Variants in MAPKBP1 observed in about 807,000 individuals in gnomAD.
The protein encoded by MAPKBP1 is mitogen-activated protein kinase-binding protein 1.
In MAPKBP1, 71 loss-of-function variants were observed where a neutral mutation model predicts 170.5. The observed-to-expected ratio is 0.42, with a 90% confidence interval of 0.34 to 0.51. The LOEUF (loss-of-function observed/expected upper bound fraction) is 0.51. Ranked by LOEUF, MAPKBP1 falls within the 20% of genes least tolerant of loss-of-function variation. MAPKBP1 has a pLI of 0.06. For missense variants in MAPKBP1, 1,598 were observed against 1,933.0 expected (o/e 0.83, Z 3.25); for synonymous variants, 719 against 757.9 (o/e 0.95, Z 0.84).
At chr15:41,785,276 C>T (rs2152068959) in intron 2 of MAPKBP1, among the ~76,000 whole-genome samples, 1 of 152,132 alleles carries the variant, frequency 6.6e-6, no homozygotes, top group East Asian at 1.9e-4. Context: ...TTATTGTGAA[C>T]TATCTTCAGT....
At position 41,821,688 on chromosome 15, in the gene MAPKBP1, T is replaced by G. The variant is rs778668282; in HGVS notation, c.2823T>G (p.Pro941=). The G allele has an allele frequency of 6.2e-7, 1 of 1,614,078 alleles. No homozygotes were observed. Among genetic ancestry groups the G allele is most frequent in the Non-Finnish European group, 8.5e-7 (1 of 1,180,028 alleles). The change falls in exon 24 of 31, where the codon CCT becomes CCG. Residue 941 remains proline, a synonymous_variant. Transcript: ENST00000457542. ...EEGVFAQDLE[P]APIEDGIVYP... is the part of the protein sequence containing the mutation. ...GGGTCTTTGCCCAAGATCTGGAACC[T>G]GCACCCATTGAAGATGGTATTGTCT...
chr15:41,807,229 A>T (rs2064713836), intron 3 of MAPKBP1, among the ~76,000 whole-genome samples: 1 of 152,162 alleles, frequency 6.6e-6, no homozygotes, highest in Non-Finnish European at 1.5e-5. Flanking sequence ...CTACACACAC[A>T]CACATGCATC....
chr15:41,796,184 G>A (rs987216465), intron 2 of MAPKBP1, among the ~76,000 whole-genome samples: 1 of 152,198 alleles, frequency 6.6e-6, no homozygotes, highest in African/African-American at 2.4e-5. Context: ...CACCGAATGT[G>A]GGAAAAGTTG....
chr15:41,819,661 A>C lies in MAPKBP1; in HGVS notation c.2481+11A>C. On this transcript the variant is annotated intron_variant, in intron 22 of 30. Coordinates refer to ENST00000457542, the MANE Select transcript of MAPKBP1 (RefSeq NM_014994.3). ...TGGGAGATGAGTCGGGTGAGTCGCC[A>C]TTGTTAAAATGTTCTTCCAAGGTTA... The C allele has an allele frequency of 3.7e-6, 6 of 1,606,632 alleles. No homozygotes were observed. The highest frequency in any genetic ancestry group is 5.1e-6 in the Non-Finnish European group (6 of 1,175,886).
At chr15:41,775,517 C>A in intron 2 of MAPKBP1, 128 bp downstream of exon 2, 1 of 697,458 alleles carries the variant, frequency 1.4e-6, no homozygotes, top group Non-Finnish European at 2.5e-6. Context: ...CACATATGAT[C>A]TCTGCAGGCA....
rs1426561005 is a variant in MAPKBP1, at chr15:41,823,943, G to C, written c.4095G>C (p.Gln1365His). ...CTGGGCCCAGCAGCCCCTGTGCCCAGCAACTGCCAGTCAGCAGCCTCTTCC... is the reference window on the plus strand; with the variant it reads ...CTGGGCCCAGCAGCCCCTGTGCCCACCAACTGCCAGTCAGCAGCCTCTTCC... ...AHPGPSSPCAQQLPVSSLFQG... is the reference protein window; with the variant it reads ...AHPGPSSPCAHQLPVSSLFQG... The change falls in exon 29 of 31, where the codon CAG (glutamine) becomes CAC (histidine). Residue 1365 changes from glutamine (Q) to histidine (H), a missense_variant. Gln to His is a conservative substitution (Grantham distance 24, BLOSUM62 0). This residue lies in a region of MAPKBP1 where 942 missense variants were observed against 953.2 expected (regional missense o/e 0.99). Transcript: ENST00000457542. 1 of 1,614,102 alleles carries C rather than the reference G, an allele frequency of 6.2e-7. No individual in the cohort carries two copies. Among genetic ancestry groups the C allele is most frequent in the Admixed American group, 1.7e-5 (1 of 60,024 alleles).
chr15:41,790,038 G>A (rs1353518301), intron 2 of MAPKBP1, among the ~76,000 whole-genome samples: 2 of 152,212 alleles, frequency 1.3e-5, no homozygotes, highest in South Asian at 2.1e-4. Flanking sequence ...TGTGTAAAAT[G>A]GAGATAATAC....
Position 41,823,068 on chromosome 15 carries a change from C to T in MAPKBP1, c.3444C>T (p.Ser1148=). The T allele has an allele frequency of 1.2e-6, 2 of 1,613,776 alleles. No homozygotes were observed. Among genetic ancestry groups the T allele is most frequent in the Middle Eastern group, 1.7e-4 (1 of 6,060 alleles). The change falls in exon 28 of 31, where the codon TCC becomes TCT. Residue 1148 remains serine, a synonymous_variant. Coordinates refer to ENST00000457542, the MANE Select transcript of MAPKBP1 (RefSeq NM_014994.3). ...GAGCACCCCCGGAGGTGGAACCGTC[C>T]TCTGGCAACCCCAGCCCCCAGCAGG... ...PPGAPPEVEP[S]SGNPSPQQAA...
At chr15:41,815,984 A>C (rs1198207602) in intron 12 of MAPKBP1, among the ~76,000 whole-genome samples, 185 bp downstream of exon 12, 2 of 152,286 alleles carry the variant, frequency 1.3e-5, no homozygotes, top group East Asian at 1.9e-4. Context: ...CAAGGTTAAC[A>C]TCCTCATATC....
intron 2 of MAPKBP1, among the ~76,000 whole-genome samples, chr15:41,798,420 T>C (rs2064533878): frequency 6.6e-6 from 1 of 151,504 alleles, no homozygotes. Context: ...TTAGCTGGGA[T>C]TACAGGCACC....
At position 41,825,281 on chromosome 15, in the gene MAPKBP1, G is replaced by T. The variant is rs1286536852; in HGVS notation, c.4372G>T (p.Val1458Leu). The change falls in exon 31 of 31, where the codon GTG (valine) becomes TTG (leucine). Residue 1458 changes from valine (V) to leucine (L), a missense_variant. Val to Leu is a conservative substitution (Grantham distance 32). Around this residue, in one of 6 missense-constraint regions of MAPKBP1, gnomAD observed 942 missense variants for 953.2 expected, o/e 0.99. Coordinates refer to ENST00000457542, the MANE Select transcript of MAPKBP1 (RefSeq NM_014994.3). ...AQLLRDTFSS[V>L]RQELEAVAGA... The stretch of plus-strand genomic sequence containing the variant: ...GCTCCTCAGAGACACCTTCTCTTCA[G>T]TGCGACAGGAGCTGGAAGCTGTGGC... 6.2e-7 allele frequency: 1 copy of T among 1,612,148 alleles called. No individual in the cohort carries two copies. The highest frequency in any genetic ancestry group is 8.5e-7 in the Non-Finnish European group (1 of 1,178,828).
chr15:41,815,713 G>A lies in MAPKBP1; in HGVS notation c.1407G>A (p.Leu469=). 1 of 1,614,220 alleles carries A rather than the reference G, an allele frequency of 6.2e-7. No homozygotes were observed. Among genetic ancestry groups the A allele is most frequent in the South Asian group, 1.1e-5 (1 of 91,080 alleles). Residue 469 remains leucine, a synonymous_variant, in exon 12 of 31, where the codon CTG becomes CTA. Transcript: ENST00000457542. ...GAGGAGACAAAGCTGATGCATCCCT[G>A]TTGGATCCCCGCGTGGGCATCCGCT... The part of the protein sequence containing the change: ...LPGGDKADAS[L]LDPRVGIRSV...
At chr15:41,805,019 C>T (rs190550599) in intron 3 of MAPKBP1, among the ~76,000 whole-genome samples, 29 of 152,306 alleles carry the variant, frequency 1.9e-4, no homozygotes, top group African/African-American at 7.0e-4. Flanking sequence ...CCAGCCCCCA[C>T]GCTCTTGTTC....
intron 3 of MAPKBP1, among the ~76,000 whole-genome samples, chr15:41,802,694 G>C (rs1210636626): frequency 1.3e-5 from 2 of 152,164 alleles, no homozygotes; most frequent in Non-Finnish European, 2.9e-5. Context: ...GGCTGGTCTT[G>C]AACTAATGAC....
chr15:41,818,550 T>C lies in MAPKBP1; in HGVS notation c.2124T>C (p.Asp708=), dbSNP rs1643483212. The C allele has an allele frequency of 3.1e-6, 5 of 1,613,578 alleles. No homozygotes were observed. Among genetic ancestry groups the C allele is most frequent in the Non-Finnish European group, 4.2e-6 (5 of 1,179,744 alleles). The change falls in exon 19 of 31, where the codon GAT becomes GAC. Residue 708 remains aspartate (D), a synonymous_variant. Transcript: ENST00000457542. The surrounding 1 kb of genome is among the most constrained non-coding windows in gnomAD (Gnocchi z 5.2). ...TCACTGGCATGAAATTTAGTAATGATTGTAAACATCTCATCTCTGTGTCTG... is the reference window on the plus strand; with the variant it reads ...TCACTGGCATGAAATTTAGTAATGACTGTAAACATCTCATCTCTGTGTCTG... ...EIVTGMKFSN[D]CKHLISVSGD...
At chr15:41,797,160 A>G (rs2152073200) in intron 2 of MAPKBP1, among the ~76,000 whole-genome samples, 1 of 152,288 alleles carries the variant, frequency 6.6e-6, no homozygotes, top group Non-Finnish European at 1.5e-5. Context: ...TGGATCATCT[A>G]CCCACAAAAC....
At chr15:41,781,487 T>A (rs1031357878) in intron 2 of MAPKBP1, among the ~76,000 whole-genome samples, 3 of 152,124 alleles carry the variant, frequency 2.0e-5, no homozygotes, top group Middle Eastern at 3.4e-3. Context: ...TATTTTCCTT[T>A]CCCTGCTATG....
intron 2 of MAPKBP1, among the ~76,000 whole-genome samples, chr15:41,793,324 A>T (rs1024174247): frequency 1.2e-4 from 18 of 152,254 alleles, no homozygotes; most frequent in African/African-American, 4.3e-4. Context: ...CGTCTCTACT[A>T]AAAATACAAA....
At position 41,812,754 on chromosome 15, in the gene MAPKBP1, C is replaced by A. The variant is rs1297199196; in HGVS notation, c.636+101C>A. On this transcript the variant is annotated intron_variant, in intron 7 of 30. Transcript: ENST00000457542. ...CCACTTGGGCCTCTCTCTGCATTCC[C>A]AGCAGTCATGCAGAAGTTTTGGATG... The A allele has an allele frequency of 1.6e-5, 24 of 1,479,264 alleles. No individual in the cohort carries two copies. The Admixed American group carries it at 5.4e-4, about 33-fold the overall frequency. The allele number at this position is 1,479,264 out of a possible 1,614,324, so 91.6% of individuals were successfully genotyped here. A position where few individuals can be genotyped will look rare whatever the true frequency, so the allele number is the denominator to read the frequency against.
Sources: gnomAD v4.1 joint callset for allele counts (sites outside exome capture counted in the v4.1 genomes callset) on GRCh38, gnomAD v4.1.1 for gene constraint, gnomAD v4.1.1 regional missense constraint, Gnocchi (gnomAD v3.1) non-coding constraint, MANE v1.5 for transcripts, NCBI Gene and HGNC (gene_info 2026-07-23, HGNC 2026-07-21) for gene names.